CHD8: variants seen among roughly 807,000 people sequenced by gnomAD.
The protein encoded by CHD8 is ATP-dependent chromatin remodeler CHD8.
A neutral mutation model predicts 279.2 loss-of-function variants in CHD8; 31 were observed. That is an observed-to-expected ratio of 0.11 (90% CI 0.08 to 0.15). The LOEUF (loss-of-function observed/expected upper bound fraction) is 0.15. Among genes scored for constraint, CHD8 ranks in the 10% least tolerant of loss-of-function variants. CHD8 has a pLI of 1.00. For synonymous variants in CHD8, 1,081 were observed against 1,139.6 expected, an observed-to-expected ratio of 0.95 and a Z score of 1.04; for missense variants, 2,146 against 3,230.5, an observed-to-expected ratio of 0.66 and a Z score of 8.14.
Position 21,391,657 on chromosome 14 carries a change from T to C in CHD8, c.6886-15A>G, listed in dbSNP as rs1363733398. On this transcript the variant is annotated splice_polypyrimidine_tract_variant and intron_variant, in intron 35 of 37. Transcript: ENST00000646647. The stretch of plus-strand genomic sequence containing the variant: ...TCCACCTCCAGCTGCAAACCCAGAA[T>C]CCACCCCCATGAGCACATACTCTTC... 1 of 1,165,172 alleles carries C rather than the reference T, an allele frequency of 8.6e-7. No individual in the cohort carries two copies. The highest frequency in any genetic ancestry group is 2.1e-5 in the Admixed American group (1 of 48,208). The allele number at this position is 1,165,172 out of a possible 1,614,324, so 72.2% of individuals were successfully genotyped here.
intron 26 of CHD8, chr14:21,398,875 G>C (rs1887907793): frequency 8.1e-6 from 2 of 247,852 alleles, no homozygotes; most frequent in Non-Finnish European, 1.7e-5. Flanking sequence ...TAGAAAAACA[G>C]AAGATTTTCA....
Position 21,431,781 on chromosome 14 carries a change from A to G in CHD8, c.-138T>C. 2 of 1,613,700 alleles carry G rather than the reference A, an allele frequency of 1.2e-6. No homozygotes were observed. Among genetic ancestry groups the G allele is most frequent in the Non-Finnish European group, 1.7e-6 (2 of 1,179,624 alleles). On this transcript the variant is annotated 5_prime_UTR_variant, in exon 2 of 38. Coordinates refer to ENST00000646647, the MANE Select transcript of CHD8 (RefSeq NM_001170629.2). ...GGACTACTCTTCAAGTATAGAGGCAAGAAACAAGTGCATGTCAGATTGTCC... is the reference window on the plus strand; with the variant it reads ...GGACTACTCTTCAAGTATAGAGGCAGGAAACAAGTGCATGTCAGATTGTCC...
chr14:21,420,012 G>A (rs1199264422), intron 5 of CHD8: 1 of 166,802 alleles, frequency 6.0e-6, no homozygotes, highest in East Asian at 1.8e-4. Context: ...AGGCCTTTCT[G>A]GGAGGAATCA....
Position 21,430,810 on chromosome 14 carries a change from T to C in CHD8, c.834A>G (p.Thr278=). 1 of 1,594,358 alleles carries C rather than the reference T, an allele frequency of 6.3e-7. No individual in the cohort carries two copies. Among genetic ancestry groups the C allele is most frequent in the Non-Finnish European group, 8.5e-7 (1 of 1,176,438 alleles). The change falls in exon 2 of 38, where the codon ACA becomes ACG. Residue 278 remains threonine (T), a synonymous_variant. Coordinates refer to ENST00000646647, the MANE Select transcript of CHD8 (RefSeq NM_001170629.2). ...CTTTCACTCAAGTCACCTGGGTAGG[T>C]GTAGAGGTCAGTGTAACTGCAGGCT... ...PLKPAVTLTS[T]PTQGESKRIT... is the part of the protein sequence containing the mutation.
At chr14:21,449,781 ACTGTCC>A (rs1414663622) in intron 1 of CHD8, among the ~76,000 whole-genome samples, 2 of 152,212 alleles carry the variant, frequency 1.3e-5, no homozygotes, top group Non-Finnish European at 2.9e-5. Context: ...AACTGACTAG[ACTGTCC>A]CTTGGTAGTT....
Position 21,408,573 on chromosome 14 carries a change from GA to G in CHD8, c.2487-19del, listed in dbSNP as rs111776414. On this transcript the variant is annotated intron_variant, in intron 12 of 37. Transcript: ENST00000646647. The surrounding 1 kb of genome is among the most constrained non-coding windows in gnomAD (Gnocchi z 4.3). ...AGTTCTGCCTGCAGATTCACCATGG[GA>G]AAAAAAAAATGTTAAAAGATACTAT... 1,421 of 1,470,370 alleles carry G rather than the reference GA, an allele frequency of 9.7e-4. No homozygotes were observed. The highest frequency in any genetic ancestry group is 3.5e-3 in the Admixed American group (172 of 48,592). The allele number at this position is 1,470,370 out of a possible 1,614,324, so 91.1% of individuals were successfully genotyped here.
At chr14:21,407,308 T>A (rs1489071151) in intron 13 of CHD8, among the ~76,000 whole-genome samples, 1 of 152,154 alleles carries the variant, frequency 6.6e-6, no homozygotes, top group Non-Finnish European at 1.5e-5. Flanking sequence ...AGCTCATGTA[T>A]CTCTGCCCCA....
At chr14:21,390,329 G>A (rs1887469967) in intron 37 of CHD8, among the ~76,000 whole-genome samples, 1 of 152,210 alleles carries the variant, frequency 6.6e-6, no homozygotes, top group Non-Finnish European at 1.5e-5. Flanking sequence ...AAATCCCTTA[G>A]TTATTCAATA....
At chr14:21,452,283 G>A (rs1890274937) in intron 1 of CHD8, among the ~76,000 whole-genome samples, 1 of 151,934 alleles carries the variant, frequency 6.6e-6, no homozygotes, top group African/African-American at 2.4e-5. Flanking sequence ...CCAAAGTGCT[G>A]GGATTACAGG....
intron 1 of CHD8, among the ~76,000 whole-genome samples, chr14:21,432,193 T>C (rs746126330): frequency 2.0e-5 from 3 of 152,234 alleles, no homozygotes; most frequent in Non-Finnish European, 4.4e-5. Flanking sequence ...ACCTTCTATT[T>C]TCAGTTTTTA....
rs979419761 is a variant in CHD8 at position 21,440,395 on chromosome 14, T to C, written c.-215-8537A>G. ...CTAATTTTTGTATTTTTAGTAGAGATGAGGTTTCACCATGTTGGCCAGGCT... is the reference window on the plus strand; with the variant it reads ...CTAATTTTTGTATTTTTAGTAGAGACGAGGTTTCACCATGTTGGCCAGGCT... On this transcript the variant is annotated intron_variant, in intron 1 of 37. Transcript: ENST00000646647. Among the ~76,000 whole-genome samples, 4 of 152,020 alleles carry C rather than the reference T, an allele frequency of 2.6e-5. No individual in the cohort carries two copies. In the South Asian group the frequency reaches 8.3e-4, roughly 32 times the overall value.
At chr14:21,454,770 C>G (rs1056199716) in intron 1 of CHD8, among the ~76,000 whole-genome samples, 2 of 152,080 alleles carry the variant, frequency 1.3e-5, no homozygotes, top group African/African-American at 4.8e-5. Context: ...TATCATAACT[C>G]TTTTTTTAAG....
chr14:21,438,918 G>C (rs912059495), intron 1 of CHD8, among the ~76,000 whole-genome samples: 1 of 151,998 alleles, frequency 6.6e-6, no homozygotes, highest in African/African-American at 2.4e-5. Flanking sequence ...CTTGAGGCCA[G>C]GAGTTTGAGA....
chr14:21,395,625 T>C (rs2139451827), intron 28 of CHD8, 192 bp downstream of exon 28: 1 of 598,550 alleles, frequency 1.7e-6, no homozygotes, highest in Admixed American at 3.1e-5. Context: ...AGCTCCTCCA[T>C]AAAGTTATCC....
chr14:21,395,159 G>A, intron 29 of CHD8, 40 bp from the exon 30 acceptor site: 2 of 1,583,862 alleles, frequency 1.3e-6, no homozygotes, highest in Non-Finnish European at 1.7e-6. Context: ...AGTATAGCAA[G>A]GGTAGTAGAG....
In CHD8 at chr14:21,405,456, C is replaced by T; in HGVS notation, c.3060G>A (p.Lys1020=). Residue 1020 remains lysine (K), a synonymous_variant, in exon 16 of 38, where the codon AAG becomes AAA. Coordinates refer to ENST00000646647, the MANE Select transcript of CHD8 (RefSeq NM_001170629.2). The surrounding 1 kb of genome is among the most constrained non-coding windows in gnomAD (Gnocchi z 4.2). Reference sequence around the variant, plus strand: ...TCATTGGCTTAAGAATGGCCTGTAGCTTTTGAACCTGTGGTCCATTACAGA... The same window carrying T: ...TCATTGGCTTAAGAATGGCCTGTAGTTTTTGAACCTGTGGTCCATTACAGA... ...GDLKTEEQVQ[K]LQAILKPMML... 12 of 1,601,908 alleles carry T rather than the reference C, an allele frequency of 7.5e-6. No individual in the cohort carries two copies. The highest frequency in any genetic ancestry group is 1.0e-5 in the Non-Finnish European group (12 of 1,173,660).
At chr14:21,426,347 G>A in intron 4 of CHD8, 105 bp from the exon 5 acceptor site, 1 of 628,074 alleles carries the variant, frequency 1.6e-6, no homozygotes, top group South Asian at 2.0e-5. Flanking sequence ...CCAGACAGAA[G>A]TTTTTAGATC....
intron 1 of CHD8, chr14:21,437,158 G>A: frequency 9.2e-7 from 1 of 1,081,484 alleles, no homozygotes; most frequent in Non-Finnish European, 1.2e-6. Flanking sequence ...AAAACGAGCT[G>A]TGCCTCACCC....
chr14:21,416,001 C>T lies in CHD8; in HGVS notation c.1717-94G>A, dbSNP rs1594360130. On this transcript the variant is annotated intron_variant, in intron 5 of 37. Coordinates refer to ENST00000646647, the MANE Select transcript of CHD8 (RefSeq NM_001170629.2). ...CTCATGGTCATATACTTAGATTCTA[C>T]TCCAAAATTTTCATGAAAAATCAGA... is the stretch of plus-strand genomic sequence containing the variant. The T allele has an allele frequency of 5.7e-6, 6 of 1,043,556 alleles. No individual in the cohort carries two copies. In the East Asian group the frequency reaches 1.4e-4, roughly 25 times the overall value. 64.6% of individuals were successfully genotyped at this position (1,043,556 alleles called of 1,614,324 possible).
Sources: gnomAD v4.1 joint callset for allele counts (sites outside exome capture counted in the v4.1 genomes callset) on GRCh38, gnomAD v4.1.1 for gene constraint, Gnocchi (gnomAD v3.1) non-coding constraint, MANE v1.5 for transcripts, NCBI Gene and HGNC (gene_info 2026-07-23, HGNC 2026-07-21) for gene names.